Variants in CAMKK2 observed in about 807,000 individuals in gnomAD.
CAMKK2 encodes calcium/calmodulin dependent protein kinase kinase 2, also known as calcium/calmodulin-dependent protein kinase kinase 2.
In CAMKK2, 30 loss-of-function variants were observed where a neutral mutation model predicts 67.2. The observed-to-expected ratio is 0.45, with a 90% CI of 0.33 to 0.61. The LOEUF (loss-of-function observed/expected upper bound fraction) is 0.61, where lower values mean the gene tolerates loss of function less well. Among genes scored for constraint, CAMKK2 ranks in the 20% least tolerant of loss-of-function variants. The pLI is 0.02. For missense variants in CAMKK2, 643 were observed against 802.0 expected, an observed-to-expected ratio of 0.80 and a Z score of 2.39; for synonymous variants, 322 against 326.2, an observed-to-expected ratio of 0.99 and a Z score of 0.14.
In CAMKK2 at chr12:121,285,703, T is replaced by C. The variant is rs917719826; in HGVS notation, c.-60+10935A>G. Among the ~76,000 whole-genome samples, 1 of 152,004 alleles carries C rather than the reference T, an allele frequency of 6.6e-6. No homozygotes were observed. The highest frequency in any genetic ancestry group is 1.5e-5 in the Non-Finnish European group (1 of 68,012). The stretch of plus-strand genomic sequence containing the variant: ...GGCGTACACCTGTAGTCCCAGCTAC[T>C]AGGGAGGCTGAGGTGGGAGGATCGC... On this transcript the variant is annotated intron_variant, in intron 1 of 16. Transcript: ENST00000404169. The surrounding 1 kb of genome is among the most constrained non-coding windows in gnomAD (Gnocchi z 4.1).
At chr12:121,263,405 G>A (rs201049889) in intron 6 of CAMKK2, among the ~76,000 whole-genome samples, 5 of 152,076 alleles carry the variant, frequency 3.3e-5, no homozygotes, top group Non-Finnish European at 5.9e-5. Context: ...CAGTGCACCC[G>A]GACTTGTTTT....
At chr12:121,270,368 T>TA (rs3999199) in intron 3 of CAMKK2, among the ~76,000 whole-genome samples, 5,412 of 125,184 alleles carry the variant, frequency 0.043, 275 homozygotes, top group African/African-American at 0.13. Context: ...ACACCCTGTC[T>TA]AAAAAAAAAA....
intron 7 of CAMKK2, among the ~76,000 whole-genome samples, chr12:121,257,491 AC>A (rs1161181382): frequency 6.6e-6 from 1 of 152,092 alleles, no homozygotes; most frequent in Non-Finnish European, 1.5e-5. Context: ...CAGGTGATCC[AC>A]CCACCTCGGC....
intron 2 of CAMKK2, among the ~76,000 whole-genome samples, chr12:121,273,355 G>A (rs1157570368): frequency 6.6e-6 from 1 of 152,080 alleles, no homozygotes; most frequent in African/African-American, 2.4e-5. Context: ...TGTGAAGGCA[G>A]GAACAGAGGG....
At chr12:121,277,313 A>G (rs1214372868) in intron 1 of CAMKK2, among the ~76,000 whole-genome samples, 1 of 152,236 alleles carries the variant, frequency 6.6e-6, no homozygotes, top group African/African-American at 2.4e-5. Context: ...AACTACAATC[A>G]GGCAGCCTGG....
At chr12:121,255,316 T>TATATATAATTATATATATAATTA (rs1891906066) in intron 9 of CAMKK2, among the ~76,000 whole-genome samples, 2 of 4,576 alleles carry the variant, frequency 4.4e-4, no homozygotes, top group African/African-American at 1.9e-3. Context: ...ATATATAATT[T>TATATATAATTATATATATAATTA]TATATATATA....
At position 121,242,919 on chromosome 12, in the gene CAMKK2, T is replaced by C. The variant is rs1483243432; in HGVS notation, c.1596+1654A>G. 2.0e-5 allele frequency among the ~76,000 whole-genome samples: 3 copies of C among 151,818 alleles called. No homozygotes were observed. In the East Asian group the frequency reaches 5.8e-4, roughly 29 times the overall value. On this transcript the variant is annotated intron_variant, in intron 16 of 16. Transcript: ENST00000404169. Reference sequence around the variant, plus strand: ...CACCGCGCCCGGCTAATTTTTTGTATTTTTAGTAGAGACGGGGTTTCACTG... The same window carrying C: ...CACCGCGCCCGGCTAATTTTTTGTACTTTTAGTAGAGACGGGGTTTCACTG...
chr12:121,250,016 G>A lies in CAMKK2; in HGVS notation c.1180C>T (p.Arg394Trp), dbSNP rs754596011. Residue 394 changes from arginine (R) to tryptophan (W), a missense_variant, in exon 12 of 17, where the codon CGG (arginine) becomes TGG (tryptophan). By Grantham distance (101) the Arg-to-Trp change is moderately radical. Transcript: ENST00000404169. ...ATCTTACTGTGTAAACACATGATCC[G>A]CTCGTCCATGAATGGGCACTGCAAA... ...VFGQCPFMDE[R>W]IMCLHSKIKS... 65 of 1,613,076 alleles carry A rather than the reference G, an allele frequency of 4.0e-5. No individual in the cohort carries two copies. The highest frequency in any genetic ancestry group is 5.1e-5 in the Non-Finnish European group (60 of 1,179,560).
At chr12:121,255,235 T>TATATATATAATTTTATATATATAA (rs1403218346) in intron 9 of CAMKK2, among the ~76,000 whole-genome samples, 1 of 5,130 alleles carries the variant, frequency 1.9e-4, no homozygotes, top group Non-Finnish European at 3.7e-4. Flanking sequence ...TATATATAAT[T>TATATATATAATTTTATATATATAA]TTATATATAT....
At chr12:121,248,755 G>T in intron 13 of CAMKK2, 21 bp from the exon 14 acceptor site, 1 of 1,613,578 alleles carries the variant, frequency 6.2e-7, no homozygotes, top group Non-Finnish European at 8.5e-7. Context: ...CGACAGGAGG[G>T]GTGAGGGGCA....
At chr12:121,270,326 C>T (rs1343796483) in intron 3 of CAMKK2, among the ~76,000 whole-genome samples, 5 of 150,928 alleles carry the variant, frequency 3.3e-5, no homozygotes, top group African/African-American at 4.9e-5. Flanking sequence ...GCCGAGATTG[C>T]GCCACTGCGC....
chr12:121,296,444 G>A lies in CAMKK2; in HGVS notation c.-60+194C>T, dbSNP rs184838162. On this transcript the variant is annotated intron_variant, in intron 1 of 16. Transcript: ENST00000404169. This position sits in a 1 kb window ranked among gnomAD's most constrained non-coding sequence, Gnocchi z 7.1. ...GAGGACGCGGGGGAAGGGCTGTCGG[G>A]GACCGTGTCCCTCCACGTGGCGGGG... Among the ~76,000 whole-genome samples, 9 of 152,276 alleles carry A rather than the reference G, an allele frequency of 5.9e-5. No individual in the cohort carries two copies. The East Asian group carries it at 1.4e-3, about 23-fold the overall frequency.
intron 5 of CAMKK2, among the ~76,000 whole-genome samples, chr12:121,267,641 C>A (rs1363650931): frequency 6.6e-6 from 1 of 151,842 alleles, no homozygotes. Flanking sequence ...TACAGGCACA[C>A]ACCACTACGC....
Position 121,265,959 on chromosome 12 carries a change from A to G in CAMKK2, c.626-2020T>C, listed in dbSNP as rs111718165. 9.2e-3 allele frequency among the ~76,000 whole-genome samples: 1,400 copies of G among 152,148 alleles called. 13 individuals are homozygous for G. Among genetic ancestry groups the G allele is most frequent in the African/African-American group, 0.032 (1,318 of 41,516 alleles). ...CCTATGTTTGTTTGTCTGTTTTGAGACAGGGTCTGTCTACCAGACTGGAGT... is the reference window on the plus strand; with the variant it reads ...CCTATGTTTGTTTGTCTGTTTTGAGGCAGGGTCTGTCTACCAGACTGGAGT... On this transcript the variant is annotated intron_variant, in intron 5 of 16. Transcript: ENST00000404169.
intron 1 of CAMKK2, among the ~76,000 whole-genome samples, chr12:121,278,330 G>A (rs1403416411): frequency 6.6e-6 from 1 of 152,214 alleles, no homozygotes; most frequent in East Asian, 1.9e-4. Flanking sequence ...TTGACATCCT[G>A]TAAAGTTGGT....
chr12:121,278,047 G>A (rs911954785), intron 1 of CAMKK2, among the ~76,000 whole-genome samples: 5 of 152,194 alleles, frequency 3.3e-5, no homozygotes, highest in African/African-American at 1.2e-4. Flanking sequence ...ATAAGGCCTA[G>A]GATGCTACGG....
intron 1 of CAMKK2, among the ~76,000 whole-genome samples, chr12:121,277,966 A>AAAAT (rs1897117120): frequency 6.6e-6 from 1 of 152,164 alleles, no homozygotes; most frequent in African/African-American, 2.4e-5. Context: ...GACTCCATCT[A>AAAAT]AAATAAATAA....
intron 1 of CAMKK2, among the ~76,000 whole-genome samples, chr12:121,294,113 A>G (rs1900658495): frequency 6.6e-6 from 1 of 151,700 alleles, no homozygotes; most frequent in Non-Finnish European, 1.5e-5. Flanking sequence ...TTGTATTTTT[A>G]GTAGAGATGG....
intron 1 of CAMKK2, among the ~76,000 whole-genome samples, chr12:121,292,180 C>T (rs1295005142): frequency 4.6e-5 from 7 of 151,616 alleles, no homozygotes; most frequent in Non-Finnish European, 1.0e-4. Flanking sequence ...GGCAGGAGTG[C>T]AGTGGCACGA....
Sources: allele counts gnomAD v4.1 joint callset (sites outside exome capture counted in the v4.1 genomes callset), GRCh38; gene constraint gnomAD v4.1.1; non-coding constraint Gnocchi (gnomAD v3.1); transcripts MANE v1.5; gene names NCBI Gene and HGNC (gene_info 2026-07-23, HGNC 2026-07-21).